Variants in RBSN observed in about 807,000 individuals in gnomAD.
RBSN encodes the protein rabenosyn, RAB effector, also known as rabenosyn-5.
RBSN carries 34 observed loss-of-function variants against 60.5 expected under a neutral mutation model. The observed-to-expected ratio is 0.56, with a 90% CI of 0.43 to 0.75. The LOEUF (loss-of-function observed/expected upper bound fraction) is 0.75, where lower values mean the gene tolerates loss of function less well. RBSN is among the 30% of genes least tolerant of loss of function. The pLI, the probability that RBSN is intolerant of heterozygous loss-of-function variation, is 0.00. For synonymous variants in RBSN, 322 were observed against 366.9 expected (o/e 0.88, Z 1.40); for missense variants, 845 against 986.8 (o/e 0.86, Z 1.92).
chr3:15,091,470 A>G (rs1342270356), intron 4 of RBSN: 2 of 1,286,698 alleles, frequency 1.6e-6, no homozygotes, highest in South Asian at 2.5e-5. Context: ...ACTTGCAAAA[A>G]GCTTCAAGAA....
In RBSN at chr3:15,082,530, G is replaced by A. The variant is rs1298469905; in HGVS notation, c.677C>T (p.Ser226Phe). 3 of 1,614,128 alleles carry A rather than the reference G, an allele frequency of 1.9e-6. No homozygotes were observed. The highest frequency in any genetic ancestry group is 1.7e-5 in the Admixed American group (1 of 60,016). ...CATGCTGCTGATGCTGCCTCGGCGGGAGCCATGGACACTGTTGGGTGACTG... is the reference window on the plus strand; with the variant it reads ...CATGCTGCTGATGCTGCCTCGGCGGAAGCCATGGACACTGTTGGGTGACTG... ...PSQSPNSVHG[S>F]RRGSISSMSS... The change falls in exon 9 of 14, where the codon TCC becomes TTC. Residue 226 changes from serine (S) to phenylalanine (F), a missense_variant. Ser to Phe is a radical substitution (Grantham distance 155). Coordinates refer to ENST00000253699, the MANE Select transcript of RBSN (RefSeq NM_022340.4). The surrounding 1 kb of genome is among the most constrained non-coding windows in gnomAD (Gnocchi z 4.2).
intron 12 of RBSN, among the ~76,000 whole-genome samples, chr3:15,076,804 T>C (rs2043065934): frequency 6.6e-6 from 1 of 152,144 alleles, no homozygotes; most frequent in Admixed American, 6.5e-5. Flanking sequence ...CTACTGTATA[T>C]AAAAAATACA....
intron 5 of RBSN, among the ~76,000 whole-genome samples, chr3:15,089,464 A>AAAAAAAC (rs2043440903): frequency 9.1e-6 from 1 of 110,438 alleles, no homozygotes; most frequent in Non-Finnish European, 1.7e-5. Flanking sequence ...TCCAAAAAAA[A>AAAAAAAC]AAAAAAAAAA....
At chr3:15,093,162 C>T (rs1343456673) in intron 4 of RBSN, among the ~76,000 whole-genome samples, 1 of 152,132 alleles carries the variant, frequency 6.6e-6, no homozygotes, top group Non-Finnish European at 1.5e-5. Context: ...TTTTCACTTG[C>T]CCAAAACTAA....
At chr3:15,085,785 G>A in intron 6 of RBSN, 76 bp downstream of exon 6, 1 of 1,192,858 alleles carries the variant, frequency 8.4e-7, no homozygotes, top group Non-Finnish European at 1.2e-6. Context: ...TACAACACAG[G>A]CTATAGAAAT....
At chr3:15,088,994 T>C (rs1575103084) in intron 5 of RBSN, among the ~76,000 whole-genome samples, 1 of 152,252 alleles carries the variant, frequency 6.6e-6, no homozygotes, top group Middle Eastern at 3.4e-3. Flanking sequence ...TCCAGTTTCC[T>C]CATCCATAAA....
intron 5 of RBSN, 86 bp downstream of exon 5, chr3:15,090,313 C>G: frequency 6.9e-7 from 1 of 1,444,766 alleles, no homozygotes. Flanking sequence ...TTTACTGATG[C>G]CTCCTCAGCC....
chr3:15,080,677 A>T, intron 10 of RBSN, 55 bp downstream of exon 10: 1 of 1,553,942 alleles, frequency 6.4e-7, no homozygotes, highest in Non-Finnish European at 8.8e-7. Context: ...GAATTGACCT[A>T]AAATGCCAGA....
rs768648857 is a variant in RBSN, at chr3:15,096,015, C to T, written c.106G>A (p.Glu36Lys). 6.2e-7 allele frequency: 1 copy of T among 1,614,194 alleles called. No homozygotes were observed. The highest frequency in any genetic ancestry group is 2.2e-5 in the East Asian group (1 of 44,882). Residue 36 changes from glutamate to lysine, a missense_variant, in exon 4 of 14, where the codon GAA becomes AAA. Coordinates refer to ENST00000253699, the MANE Select transcript of RBSN (RefSeq NM_022340.4). ...FYQLHSHYEE[E>K]HSGEDRDVKG... Reference sequence around the variant, plus strand: ...ACATCACGGTCTTCCCCTGAGTGTTCTTCCTCGTAATGTGAGTGAAGCTGA... The same window carrying T: ...ACATCACGGTCTTCCCCTGAGTGTTTTTCCTCGTAATGTGAGTGAAGCTGA...
intron 4 of RBSN, among the ~76,000 whole-genome samples, chr3:15,093,617 T>C (rs144536806): frequency 1.3e-5 from 2 of 152,298 alleles, no homozygotes; most frequent in Non-Finnish European, 2.9e-5. Context: ...TCTGGTCTCC[T>C]GGGCTCAAGC....
At chr3:15,094,881 C>G (rs976850055) in intron 4 of RBSN, among the ~76,000 whole-genome samples, 1 of 152,226 alleles carries the variant, frequency 6.6e-6, no homozygotes, top group Non-Finnish European at 1.5e-5. Context: ...TCCTTTCTTT[C>G]TCTCCCAATA....
At chr3:15,085,386 C>T (rs948859837) in intron 6 of RBSN, among the ~76,000 whole-genome samples, 1 of 152,196 alleles carries the variant, frequency 6.6e-6, no homozygotes, top group Non-Finnish European at 1.5e-5. Context: ...AAACTGGCCA[C>T]ATATTTCTGC....
chr3:15,090,032 C>A (rs1305842928), intron 5 of RBSN, among the ~76,000 whole-genome samples: 1 of 152,144 alleles, frequency 6.6e-6, no homozygotes, highest in Non-Finnish European at 1.5e-5. Flanking sequence ...TGTCACTGGG[C>A]AGGTAATGTC....
Position 15,096,005 on chromosome 3 carries a change from CCT to C in RBSN, c.114_115del (p.Glu40ArgfsTer3), listed in dbSNP as rs1284443294. 1.2e-6 allele frequency: 2 copies of C among 1,614,070 alleles called. No individual in the cohort carries two copies. Among genetic ancestry groups the C allele is most frequent in the Admixed American group, 1.7e-5 (1 of 60,004 alleles). ...TTGCCCTTTGACATCACGGTCTTCC[CCT>C]GAGTGTTCTTCCTCGTAATGTGAGT... On this transcript the variant is annotated frameshift_variant, in exon 4 of 14. Transcript: ENST00000253699. LOFTEE classifies it high-confidence loss of function.
At chr3:15,085,696 A>G (rs1013530877) in intron 6 of RBSN, among the ~76,000 whole-genome samples, 165 bp downstream of exon 6, 3 of 152,204 alleles carry the variant, frequency 2.0e-5, no homozygotes, top group Non-Finnish European at 2.9e-5. Context: ...ATGCTGGCCC[A>G]GGCTAGAACT....
chr3:15,075,445 C>G, intron 13 of RBSN, 161 bp downstream of exon 13: 1 of 722,786 alleles, frequency 1.4e-6, no homozygotes, highest in Non-Finnish European at 2.5e-6. Context: ...TATTCTAGTT[C>G]CCATAGATGA....
intron 13 of RBSN, chr3:15,075,187 C>T (rs554868271): frequency 5.1e-5 from 30 of 585,548 alleles, no homozygotes; most frequent in Admixed American, 2.7e-4. Flanking sequence ...ATTCACAGGC[C>T]GTATACTTTT....
chr3:15,098,540 G>A (rs1435955869), intron 1 of RBSN, among the ~76,000 whole-genome samples: 5 of 144,530 alleles, frequency 3.5e-5, no homozygotes, highest in African/African-American at 1.3e-4. Context: ...GCCACATGCC[G>A]CATCGACGAC....
chr3:15,072,842 T>TCTCCTGCCTC lies in RBSN; in HGVS notation c.*939_*940insGAGGCAGGAG, dbSNP rs2042951934. ...CATTCTCCTGCCTCAGCCTCCAAAG[T>TCTCCTGCCTC]AGCTGGGACTACAGGCACCCACCAC... On this transcript the variant is annotated 3_prime_UTR_variant, in exon 14 of 14. Coordinates refer to ENST00000253699, the MANE Select transcript of RBSN (RefSeq NM_022340.4). 1 of 152,232 alleles carries TCTCCTGCCTC rather than the reference T, an allele frequency of 6.6e-6. No individual in the cohort carries two copies. Among genetic ancestry groups the TCTCCTGCCTC allele is most frequent in the African/African-American group, 2.4e-5 (1 of 41,438 alleles). 9.4% of individuals were successfully genotyped at this position (152,232 alleles called of 1,614,324 possible). A position where few individuals can be genotyped will look rare whatever the true frequency, so the allele number is the denominator to read the frequency against.
Sources: gnomAD v4.1 joint callset for allele counts (sites outside exome capture counted in the v4.1 genomes callset) on GRCh38, gnomAD v4.1.1 for gene constraint, Gnocchi (gnomAD v3.1) non-coding constraint, MANE v1.5 for transcripts, NCBI Gene and HGNC (gene_info 2026-07-23, HGNC 2026-07-21) for gene names.